GABPB1: variants seen among roughly 807,000 people sequenced by gnomAD.
GABPB1 encodes GA-binding protein subunit beta-1.
A neutral mutation model predicts 45.9 loss-of-function variants in GABPB1; 15 were observed. The observed-to-expected ratio is 0.33, with a 90% confidence interval of 0.22 to 0.50. The LOEUF is 0.50. Among genes scored for constraint, GABPB1 ranks in the 20% least tolerant of loss-of-function variants. The probability of loss-of-function intolerance (pLI) is 0.98; values close to 1 mark genes in which losing one functional copy is unlikely to be tolerated. For synonymous variants in GABPB1, 143 were observed against 154.4 expected, an observed-to-expected ratio of 0.93 and a Z score of 0.55; for missense variants, 252 against 457.5, an observed-to-expected ratio of 0.55 and a Z score of 4.10.
intron 1 of GABPB1, among the ~76,000 whole-genome samples, chr15:50,344,012 A>G (rs1380482760): frequency 2.0e-5 from 3 of 152,186 alleles, no homozygotes; most frequent in Non-Finnish European, 4.4e-5. Context: ...CCCTCCCCAC[A>G]AACGTCAGCT....
In GABPB1 at chr15:50,276,548, G is replaced by A. The variant is rs1248692927; in HGVS notation, c.*2084C>T. 1 of 149,166 alleles carries A rather than the reference G, an allele frequency of 6.7e-6. No homozygotes were observed. The highest frequency in any genetic ancestry group is 2.6e-5 in the African/African-American group (1 of 38,466). 9.2% of individuals were successfully genotyped at this position (149,166 alleles called of 1,614,324 possible). A position where few individuals can be genotyped will look rare whatever the true frequency, so the allele number is the denominator to read the frequency against. On this transcript the variant is annotated 3_prime_UTR_variant, in exon 9 of 9. Coordinates refer to ENST00000380877, the MANE Select transcript of GABPB1 (RefSeq NM_016654.5). ...CAATTATTTTCTCCCATCTATGCCA[G>A]CTGTTGTTATTAGGAATCAAAATTA...
intron 6 of GABPB1, among the ~76,000 whole-genome samples, chr15:50,291,169 T>C (rs1321255049): frequency 6.6e-6 from 1 of 152,210 alleles, no homozygotes; most frequent in African/African-American, 2.4e-5. Flanking sequence ...AACTGAGCAA[T>C]GTTTACACAA....
intron 1 of GABPB1, chr15:50,352,820 A>G (rs975414300): frequency 2.0e-5 from 3 of 152,264 alleles, no homozygotes; most frequent in African/African-American, 7.2e-5. Flanking sequence ...AAACAAACTT[A>G]GCTTCCTTTC....
chr15:50,328,542 G>T (rs1401070358), intron 1 of GABPB1, among the ~76,000 whole-genome samples: 1 of 152,144 alleles, frequency 6.6e-6, no homozygotes, highest in East Asian at 1.9e-4. Flanking sequence ...ATAGCAACAT[G>T]CTTGATATTG....
At chr15:50,341,262 G>A (rs1287662380) in intron 1 of GABPB1, among the ~76,000 whole-genome samples, 2 of 152,004 alleles carry the variant, frequency 1.3e-5, no homozygotes, top group Non-Finnish European at 2.9e-5. Flanking sequence ...GGCCAGGCAC[G>A]GTGGCTCACA....
intron 6 of GABPB1, among the ~76,000 whole-genome samples, chr15:50,291,242 A>G (rs1388997229): frequency 1.3e-5 from 2 of 152,206 alleles, no homozygotes; most frequent in Non-Finnish European, 1.5e-5. Context: ...CTTATAATCT[A>G]TAAACATTTC....
intron 6 of GABPB1, among the ~76,000 whole-genome samples, chr15:50,294,391 G>A (rs1188056654): frequency 6.6e-6 from 1 of 152,080 alleles, no homozygotes; most frequent in Non-Finnish European, 1.5e-5. Context: ...GCACGTGCCT[G>A]TAGTCCCAGC....
rs542369740 is a variant in GABPB1 at position 50,282,433 on chromosome 15, G to A, written c.999+3635C>T. ...AAAAATAAACTTAGCCGGGTATAGCGGTCCCAGCTGCTTGGGAGGCTGAGG... is the reference window on the plus strand; with the variant it reads ...AAAAATAAACTTAGCCGGGTATAGCAGTCCCAGCTGCTTGGGAGGCTGAGG... On this transcript the variant is annotated intron_variant, in intron 8 of 8. Coordinates refer to ENST00000380877, the MANE Select transcript of GABPB1 (RefSeq NM_016654.5). 2.6e-4 allele frequency: 90 copies of A among 352,200 alleles called. 3 individuals carry two copies. Among genetic ancestry groups the A allele is most frequent in the South Asian group, 1.5e-3 (70 of 46,564 alleles). The allele number at this position is 352,200 out of a possible 1,614,324, so 21.8% of individuals were successfully genotyped here. A position where few individuals can be genotyped will look rare whatever the true frequency, so the allele number is the denominator to read the frequency against.
chr15:50,311,501 C>T (rs1486538942), intron 1 of GABPB1, among the ~76,000 whole-genome samples: 1 of 151,992 alleles, frequency 6.6e-6, no homozygotes, highest in Non-Finnish European at 1.5e-5. Flanking sequence ...GTTGAGTATC[C>T]CTAATCCAAA....
chr15:50,350,737 C>G (rs2048788182), intron 1 of GABPB1: 1 of 152,080 alleles, frequency 6.6e-6, no homozygotes, highest in Admixed American at 6.6e-5. Context: ...TGAACAGGAA[C>G]AGCCTACCAC....
chr15:50,296,886 C>G (rs1167964232), intron 6 of GABPB1, among the ~76,000 whole-genome samples: 1 of 145,242 alleles, frequency 6.9e-6, no homozygotes, highest in East Asian at 2.1e-4. Context: ...TGGTAACATA[C>G]TTAAACTTTA....
chr15:50,313,135 CT>C (rs2047188798), intron 1 of GABPB1, among the ~76,000 whole-genome samples: 1 of 152,014 alleles, frequency 6.6e-6, no homozygotes, highest in Non-Finnish European at 1.5e-5. Context: ...TCATGTTTTA[CT>C]TATTTAAAAG....
At chr15:50,320,349 G>C (rs973117563) in intron 1 of GABPB1, among the ~76,000 whole-genome samples, 5 of 152,224 alleles carry the variant, frequency 3.3e-5, no homozygotes, top group African/African-American at 1.2e-4. Flanking sequence ...TGCATTTTTA[G>C]TAGAGATGGG....
At chr15:50,344,986 C>A (rs1030932088) in intron 1 of GABPB1, among the ~76,000 whole-genome samples, 2 of 152,110 alleles carry the variant, frequency 1.3e-5, no homozygotes, top group Admixed American at 1.3e-4. Flanking sequence ...ATTCCTTGAG[C>A]GTTCCAACAG....
At chr15:50,297,405 G>A (rs948752892) in intron 6 of GABPB1, among the ~76,000 whole-genome samples, 12 of 151,826 alleles carry the variant, frequency 7.9e-5, no homozygotes, top group Non-Finnish European at 1.6e-4. Context: ...TAGAGACAGG[G>A]TTTCAGAAAC....
At chr15:50,312,761 A>T (rs543028981) in intron 1 of GABPB1, among the ~76,000 whole-genome samples, 6 of 152,364 alleles carry the variant, frequency 3.9e-5, no homozygotes, top group Non-Finnish European at 1.5e-5. Context: ...ATCAGTTTGC[A>T]TTCATTCAGC....
In GABPB1 at chr15:50,302,091, AAAG is replaced by A. The variant is rs1157736613; in HGVS notation, c.472-726_472-724del. Among the ~76,000 whole-genome samples, 4 of 152,212 alleles carry A rather than the reference AAAG, an allele frequency of 2.6e-5. 1 individual carries two copies. The highest frequency in any genetic ancestry group is 9.6e-5 in the African/African-American group (4 of 41,456). ...AAACAGGCAAGAAGAGGCAGTAATTAAAGAAGATAATTTATATTATGTCATCTG... is the reference window on the plus strand; with the variant it reads ...AAACAGGCAAGAAGAGGCAGTAATTAAAGATAATTTATATTATGTCATCTG... On this transcript the variant is annotated intron_variant, in intron 4 of 8. Transcript: ENST00000380877.
chr15:50,300,905 G>T lies in GABPB1; in HGVS notation c.584-3C>A. 6.5e-7 allele frequency: 1 copy of T among 1,546,522 alleles called. No homozygotes were observed. The highest frequency in any genetic ancestry group is 8.9e-7 in the Non-Finnish European group (1 of 1,121,126). On this transcript the variant is annotated splice_region_variant and splice_polypyrimidine_tract_variant and intron_variant, in intron 5 of 8. Coordinates refer to ENST00000380877, the MANE Select transcript of GABPB1 (RefSeq NM_016654.5). ...AACAGCAGATACACCCGTTTCATCT[G>T]TAAGAAAAAAGAAAATAGATTTGAA... is the stretch of plus-strand genomic sequence containing the variant.
chr15:50,343,412 C>A (rs1186545873), intron 1 of GABPB1, among the ~76,000 whole-genome samples: 2 of 152,198 alleles, frequency 1.3e-5, no homozygotes, highest in African/African-American at 4.8e-5. Flanking sequence ...GGGTCTAGCA[C>A]AAGTTGGTTC....
Sources: gnomAD v4.1 joint callset for allele counts (sites outside exome capture counted in the v4.1 genomes callset) on GRCh38, gnomAD v4.1.1 for gene constraint, MANE v1.5 for transcripts, NCBI Gene and HGNC (gene_info 2026-07-23, HGNC 2026-07-21) for gene names.